CFAP299: variants seen among roughly 807,000 people sequenced by gnomAD.
The protein encoded by CFAP299 is cilia and flagella associated protein 299, also known as cilia- and flagella-associated protein 299.
CFAP299 carries 21 observed loss-of-function variants against 27.0 expected under a neutral mutation model. The ratio of observed to expected loss-of-function variants is 0.78; its 90% CI spans 0.55 to 1.12. CFAP299 has a LOEUF of 1.12. Among genes scored for constraint, CFAP299 ranks in the 50% most tolerant of loss-of-function variants. The probability of loss-of-function intolerance (pLI) is 0.00; values close to 1 mark genes in which losing one functional copy is unlikely to be tolerated. For missense variants in CFAP299, 310 were observed against 276.6 expected, an observed-to-expected ratio of 1.12 and a Z score of -0.86; for synonymous variants, 104 against 98.1, an observed-to-expected ratio of 1.06 and a Z score of -0.36.
intron 3 of CFAP299, among the ~76,000 whole-genome samples, chr4:80,712,934 A>G (rs1412209263): frequency 1.3e-5 from 2 of 152,008 alleles, no homozygotes; most frequent in East Asian, 3.9e-4. Flanking sequence ...CCCTATTAGA[A>G]CCCTGTTAAA....
At chr4:80,900,765 A>G (rs2110194960) in intron 4 of CFAP299, among the ~76,000 whole-genome samples, 1 of 151,954 alleles carries the variant, frequency 6.6e-6, no homozygotes, top group South Asian at 2.1e-4. Context: ...TAATAATAAT[A>G]ATAATAAACA....
At chr4:80,390,957 ATATATG>A (rs1725438332) in intron 2 of CFAP299, among the ~76,000 whole-genome samples, 2 of 38,142 alleles carry the variant, frequency 5.2e-5, no homozygotes, top group Non-Finnish European at 2.1e-4. Context: ...ACACACATGT[ATATATG>A]TATATATGTA....
chr4:80,385,698 AAC>A (rs1165093592), intron 2 of CFAP299, among the ~76,000 whole-genome samples: 1 of 152,242 alleles, frequency 6.6e-6, no homozygotes, highest in Non-Finnish European at 1.5e-5. Flanking sequence ...CCTAAAAGCC[AAC>A]ATCACAGAGC....
intron 3 of CFAP299, among the ~76,000 whole-genome samples, chr4:80,603,475 G>T (rs547027939): frequency 6.6e-6 from 1 of 152,036 alleles, no homozygotes; most frequent in Non-Finnish European, 1.5e-5. Context: ...AATAGCTATC[G>T]CTGAGTGCTG....
chr4:80,693,203 A>G (rs1427288977), intron 3 of CFAP299, among the ~76,000 whole-genome samples: 1 of 152,164 alleles, frequency 6.6e-6, no homozygotes, highest in Non-Finnish European at 1.5e-5. Flanking sequence ...CTGGGTATAT[A>G]CCCAAAGGAC....
chr4:80,584,387 T>C (rs571091533), intron 3 of CFAP299, among the ~76,000 whole-genome samples: 1 of 152,134 alleles, frequency 6.6e-6, no homozygotes, highest in Non-Finnish European at 1.5e-5. Flanking sequence ...GAGTATTTCA[T>C]GTATGTGATA....
At chr4:80,442,039 G>A (rs768112149) in intron 2 of CFAP299, among the ~76,000 whole-genome samples, 8 of 152,116 alleles carry the variant, frequency 5.3e-5, no homozygotes, top group Non-Finnish European at 7.3e-5. Context: ...CAATATAGGA[G>A]CACACAGATT....
intron 3 of CFAP299, 60 bp from the exon 4 acceptor site, chr4:80,869,933 C>T: frequency 6.8e-7 from 1 of 1,476,540 alleles, no homozygotes; most frequent in East Asian, 2.3e-5. Context: ...TATCCTATGG[C>T]ATTCCATAAT....
chr4:80,454,405 G>T (rs770820121), intron 2 of CFAP299, among the ~76,000 whole-genome samples: 1 of 152,194 alleles, frequency 6.6e-6, no homozygotes, highest in Admixed American at 6.5e-5. Context: ...TAAAGTGACT[G>T]CCTGGATTGA....
intron 3 of CFAP299, among the ~76,000 whole-genome samples, chr4:80,662,423 A>G (rs1740899999): frequency 6.6e-6 from 1 of 152,104 alleles, no homozygotes; most frequent in African/African-American, 2.4e-5. Context: ...AAAAAAAAAA[A>G]AAGTGTTGAT....
chr4:80,906,083 G>A (rs1231049214), intron 4 of CFAP299, among the ~76,000 whole-genome samples: 1 of 152,172 alleles, frequency 6.6e-6, no homozygotes, highest in Admixed American at 6.5e-5. Flanking sequence ...AAGCAAGTTA[G>A]TTACTTCCTA....
At chr4:80,829,963 T>C (rs912839170) in intron 3 of CFAP299, among the ~76,000 whole-genome samples, 1 of 152,044 alleles carries the variant, frequency 6.6e-6, no homozygotes, top group African/African-American at 2.4e-5. Context: ...GGGTATAGAA[T>C]TGCAGTTTTG....
At chr4:80,597,011 A>G (rs1419120814) in intron 3 of CFAP299, among the ~76,000 whole-genome samples, 2 of 152,180 alleles carry the variant, frequency 1.3e-5, no homozygotes, top group Non-Finnish European at 2.9e-5. Context: ...TTTGACTGCT[A>G]TAAATAATGG....
chr4:80,332,637 T>G (rs1227081882), upstream of CFAP299, among the ~76,000 whole-genome samples: 2 of 152,160 alleles, frequency 1.3e-5, no homozygotes, highest in East Asian at 3.8e-4. Flanking sequence ...GTTTATCTGC[T>G]TTGAGAAAGG....
intron 3 of CFAP299, among the ~76,000 whole-genome samples, chr4:80,782,024 A>G (rs1043498417): frequency 3.3e-5 from 5 of 151,946 alleles, no homozygotes; most frequent in African/African-American, 1.2e-4. Context: ...GACATCTACT[A>G]TTTTTGCCCA....
intron 4 of CFAP299, among the ~76,000 whole-genome samples, chr4:80,914,042 G>T (rs1735620963): frequency 6.6e-6 from 1 of 152,084 alleles, no homozygotes; most frequent in South Asian, 2.1e-4. Context: ...CCTTTTGCTT[G>T]CTGAGTACTA....
Position 80,929,071 on chromosome 4 carries a change from T to A in CFAP299, c.477-15739T>A, listed in dbSNP as rs190710780. On this transcript the variant is annotated intron_variant, in intron 4 of 5. Transcript: ENST00000358105. ...CAGACATGCTTGAGAAAAATTTCCG[T>A]TCATAGAAACTGCAGACACTGACAA... Among the ~76,000 whole-genome samples, 259 of 152,266 alleles carry A rather than the reference T, an allele frequency of 1.7e-3. 1 individual carries two copies. Among genetic ancestry groups the A allele is most frequent in the African/African-American group, 5.9e-3 (245 of 41,560 alleles).
intron 4 of CFAP299, among the ~76,000 whole-genome samples, chr4:80,885,176 T>C (rs1393546978): frequency 6.6e-6 from 1 of 152,178 alleles, no homozygotes; most frequent in African/African-American, 2.4e-5. Flanking sequence ...GGACCAGCCC[T>C]AGCCAGATGG....
chr4:80,741,373 C>T (rs1724259988), intron 3 of CFAP299, among the ~76,000 whole-genome samples: 1 of 152,104 alleles, frequency 6.6e-6, no homozygotes. Context: ...CTCAGCCTCC[C>T]AGACAAGGGT....
Sources: gnomAD v4.1 joint callset for allele counts (sites outside exome capture counted in the v4.1 genomes callset) on GRCh38, gnomAD v4.1.1 for gene constraint, MANE v1.5 for transcripts, NCBI Gene and HGNC (gene_info 2026-07-23, HGNC 2026-07-21) for gene names.